RSU1: variants seen among roughly 807,000 people sequenced by gnomAD.
RSU1 encodes Ras suppressor protein 1.
A neutral mutation model predicts 31.1 loss-of-function variants in RSU1; 26 were observed. The observed-to-expected ratio is 0.84, with a 90% confidence interval of 0.61 to 1.16. The LOEUF is 1.16. RSU1 is among the 50% of genes most tolerant of loss of function. RSU1 has a pLI of 0.00. For missense variants in RSU1, 320 were observed against 339.1 expected, an observed-to-expected ratio of 0.94 and a Z score of 0.44; for synonymous variants, 164 against 136.3, an observed-to-expected ratio of 1.20 and a Z score of -1.41.
At chr10:16,751,365 G>C (rs35670312) in intron 7 of RSU1, among the ~76,000 whole-genome samples, 1,582 of 152,294 alleles carry the variant, frequency 0.01, 18 homozygotes, top group Middle Eastern at 0.044. Context: ...AGAGAGCTAA[G>C]GGAAATGGCA....
chr10:16,749,506 A>AAC (rs1418866731), intron 7 of RSU1, among the ~76,000 whole-genome samples: 1 of 152,132 alleles, frequency 6.6e-6, no homozygotes, highest in African/African-American at 2.4e-5. Context: ...CACACTTTAA[A>AAC]ACACCCCCAG....
intron 8 of RSU1, among the ~76,000 whole-genome samples, chr10:16,633,654 G>A (rs1051608881): frequency 6.6e-6 from 1 of 152,186 alleles, no homozygotes; most frequent in Admixed American, 6.5e-5. Flanking sequence ...GGGGCCAGAC[G>A]ACAACCAGCT....
chr10:16,642,499 A>T (rs1024696745), intron 8 of RSU1, among the ~76,000 whole-genome samples: 1 of 152,104 alleles, frequency 6.6e-6, no homozygotes, highest in African/African-American at 2.4e-5. Flanking sequence ...ATGCTGGGGG[A>T]AGAGCCACTT....
At chr10:16,760,509 CA>C (rs1192403405) in intron 4 of RSU1, among the ~76,000 whole-genome samples, 2 of 104,010 alleles carry the variant, frequency 1.9e-5, no homozygotes, top group African/African-American at 7.3e-5. Flanking sequence ...AACTCCATCT[CA>C]AAAAAAGAAA....
At chr10:16,664,879 T>C (rs1189894047) in intron 8 of RSU1, among the ~76,000 whole-genome samples, 3 of 152,190 alleles carry the variant, frequency 2.0e-5, no homozygotes, top group African/African-American at 7.2e-5. Flanking sequence ...ATACTATTAT[T>C]AACACTGACA....
At position 16,656,445 on chromosome 10, in the gene RSU1, G is replaced by C. The variant is rs80161337; in HGVS notation, c.731+38578C>G. Among the ~76,000 whole-genome samples, 284 of 152,264 alleles carry C rather than the reference G, an allele frequency of 1.9e-3. 6 individuals are homozygous for C. The East Asian group carries it at 0.047, about 25-fold the overall frequency. On this transcript the variant is annotated intron_variant, in intron 8 of 8. Transcript: ENST00000345264. ...TTCCAATTGTTAGTATTACAAATGA[G>C]ATTAAGTTTTTGTTTGCTTGTTTGT...
At chr10:16,728,834 A>G (rs1161056957) in intron 7 of RSU1, among the ~76,000 whole-genome samples, 2 of 152,218 alleles carry the variant, frequency 1.3e-5, no homozygotes, top group African/African-American at 4.8e-5. Context: ...AGGGGCTGTA[A>G]GCCAAGGAAT....
intron 7 of RSU1, among the ~76,000 whole-genome samples, chr10:16,713,307 T>C (rs1422740449): frequency 6.6e-6 from 1 of 152,222 alleles, no homozygotes; most frequent in Non-Finnish European, 1.5e-5. Flanking sequence ...TTTCTCCAAC[T>C]CTTCTCCCTA....
At chr10:16,779,008 G>A (rs1230347604) in intron 3 of RSU1, among the ~76,000 whole-genome samples, 3 of 152,184 alleles carry the variant, frequency 2.0e-5, no homozygotes, top group Admixed American at 6.5e-5. Flanking sequence ...CAATGACTTT[G>A]TTGCATTCAA....
At chr10:16,801,837 G>A (rs1480477933) in intron 2 of RSU1, among the ~76,000 whole-genome samples, 10 of 151,838 alleles carry the variant, frequency 6.6e-5, no homozygotes, top group Admixed American at 2.0e-4. Context: ...AAATGAAAAC[G>A]AAAATACTAC....
At chr10:16,648,603 A>C (rs561253769) in intron 8 of RSU1, among the ~76,000 whole-genome samples, 3 of 152,286 alleles carry the variant, frequency 2.0e-5, no homozygotes, top group Admixed American at 2.0e-4. Flanking sequence ...AGATGGCTAA[A>C]GTAAACAATG....
At chr10:16,799,813 T>G (rs1023613818) in intron 2 of RSU1, among the ~76,000 whole-genome samples, 4 of 152,122 alleles carry the variant, frequency 2.6e-5, no homozygotes, top group African/African-American at 9.7e-5. Context: ...CGCTCACACC[T>G]TCCTGTCTCA....
chr10:16,683,375 A>G (rs148793979), intron 8 of RSU1, among the ~76,000 whole-genome samples: 2 of 152,174 alleles, frequency 1.3e-5, no homozygotes, highest in Non-Finnish European at 2.9e-5. Context: ...TTGTGTTTGT[A>G]TATTATTTCA....
At chr10:16,661,431 CCA>C (rs1276151346) in intron 8 of RSU1, among the ~76,000 whole-genome samples, 1 of 151,904 alleles carries the variant, frequency 6.6e-6, no homozygotes, top group Non-Finnish European at 1.5e-5. Context: ...CTACCAAATG[CCA>C]CAGAGTTCCA....
intron 1 of RSU1, 104 bp downstream of exon 1, chr10:16,817,207 TCCCA>T: frequency 1.5e-6 from 1 of 681,248 alleles, no homozygotes; most frequent in Non-Finnish European, 2.6e-6. Flanking sequence ...TCCGAGGGCG[TCCCA>T]GGGGCTGGTC....
intron 2 of RSU1, among the ~76,000 whole-genome samples, chr10:16,795,728 G>C (rs1364745114): frequency 6.6e-6 from 1 of 152,124 alleles, no homozygotes; most frequent in Non-Finnish European, 1.5e-5. Flanking sequence ...AAAAGACAAG[G>C]AGTTTAAGTA....
At chr10:16,709,791 C>G (rs937863133) in intron 7 of RSU1, among the ~76,000 whole-genome samples, 1 of 152,088 alleles carries the variant, frequency 6.6e-6, no homozygotes, top group Non-Finnish European at 1.5e-5. Context: ...GCATAAATGT[C>G]TTCTTTTGAG....
intron 7 of RSU1, among the ~76,000 whole-genome samples, chr10:16,719,509 C>T (rs72774628): frequency 6.6e-6 from 1 of 152,142 alleles, no homozygotes; most frequent in Non-Finnish European, 1.5e-5. Context: ...TTTGCTGTCA[C>T]CTCTTCAGAG....
chr10:16,722,816 A>G (rs990218754), intron 7 of RSU1, among the ~76,000 whole-genome samples: 4 of 150,782 alleles, frequency 2.7e-5, no homozygotes, highest in Admixed American at 2.0e-4. Context: ...ATACACATAT[A>G]TACATGTATA....
Sources: gnomAD v4.1 joint callset for allele counts (sites outside exome capture counted in the v4.1 genomes callset) on GRCh38, gnomAD v4.1.1 for gene constraint, MANE v1.5 for transcripts, NCBI Gene and HGNC (gene_info 2026-07-23, HGNC 2026-07-21) for gene names.